The following CDH20 variants were observed in gnomAD, a reference collection of about 807,000 sequenced individuals.
CDH20 encodes cadherin 20.
CDH20 carries 29 observed loss-of-function variants against 74.2 expected under a neutral mutation model. The ratio of observed to expected loss-of-function variants is 0.39; its 90% CI spans 0.29 to 0.53. The LOEUF (loss-of-function observed/expected upper bound fraction) is 0.53. CDH20 is among the 20% of genes least tolerant of loss of function. The pLI, the probability that CDH20 is intolerant of heterozygous loss-of-function variation, is 0.69. For synonymous variants in CDH20, 469 were observed against 405.4 expected (o/e 1.16, Z -1.88); for missense variants, 988 against 1,048.3 (o/e 0.94, Z 0.79).
intron 7 of CDH20, among the ~76,000 whole-genome samples, chr18:61,533,069 G>A (rs1859128360): frequency 2.6e-5 from 4 of 152,154 alleles, no homozygotes; most frequent in Admixed American, 1.3e-4. Context: ...TCACTTGAGG[G>A]TAGGAGTTTG....
At chr18:61,446,632 TCTTCTAATCCCCCTAATTATCAAGTAC>T (rs1909212921) in intron 1 of CDH20, among the ~76,000 whole-genome samples, 2 of 152,160 alleles carry the variant, frequency 1.3e-5, no homozygotes, top group Non-Finnish European at 2.9e-5. Flanking sequence ...ATTAGGAGGT[TCTTCTAATCCCCCTAATTATCAAGTAC>T]CTTCTAATCC....
At chr18:61,533,151 A>T (rs1037482875) in intron 7 of CDH20, among the ~76,000 whole-genome samples, 3 of 152,080 alleles carry the variant, frequency 2.0e-5, no homozygotes, top group African/African-American at 4.8e-5. Context: ...AAAATAAAAA[A>T]AATTTAATTA....
At chr18:61,518,044 C>T (rs1401188413) in intron 6 of CDH20, among the ~76,000 whole-genome samples, 1 of 152,180 alleles carries the variant, frequency 6.6e-6, no homozygotes, top group Non-Finnish European at 1.5e-5. Context: ...CTCTGCAAAG[C>T]CACGGTACCT....
intron 1 of CDH20, among the ~76,000 whole-genome samples, chr18:61,371,019 C>T (rs541226927): frequency 1.4e-3 from 211 of 152,156 alleles, no homozygotes; most frequent in African/African-American, 5.0e-3. Context: ...AACAAAGGAA[C>T]ATTTTTAATA....
intron 1 of CDH20, among the ~76,000 whole-genome samples, chr18:61,413,714 TA>T (rs554425799): frequency 0.011 from 1,582 of 143,852 alleles, 9 homozygotes; most frequent in African/African-American, 0.025. Context: ...GTGGAAATGT[TA>T]AAAAAAAAAA....
rs541702064 is a variant in CDH20 at position 61,430,150 on chromosome 18, T to C, written c.-152-60252T>C. ...TTTAGAAAAACAAAATGCCTGACTT[T>C]TGCAGTTTGGTCTTGGTCATGCTTG... is the stretch of plus-strand genomic sequence containing the variant. On this transcript the variant is annotated intron_variant, in intron 1 of 11. Transcript: ENST00000262717. Among the ~76,000 whole-genome samples the C allele has an allele frequency of 5.5e-4, 84 of 152,282 alleles. 1 individual carries two copies. Among genetic ancestry groups the C allele is most frequent in the African/African-American group, 1.2e-3 (50 of 41,572 alleles).
rs780172818 is a variant in CDH20, at chr18:61,550,051, C to T, written c.1722C>T (p.Ile574=). The change falls in exon 11 of 12, where the codon ATC becomes ATT. Residue 574 remains isoleucine (I), a synonymous_variant. Coordinates refer to ENST00000262717, the MANE Select transcript of CDH20 (RefSeq NM_031891.4). ...QQEQSVFHLP[I]LIADSGQPVL... is the part of the protein sequence containing the mutation. ...AGCAGAGTGTCTTTCACCTGCCTATCCTGATAGCAGATAGCGGGCAGCCCG... is the reference window on the plus strand; with the variant it reads ...AGCAGAGTGTCTTTCACCTGCCTATTCTGATAGCAGATAGCGGGCAGCCCG... 4.3e-6 allele frequency: 7 copies of T among 1,614,214 alleles called. No individual in the cohort carries two copies. Among genetic ancestry groups the T allele is most frequent in the Non-Finnish European group, 5.9e-6 (7 of 1,180,028 alleles).
intron 4 of CDH20, 84 bp downstream of exon 4, chr18:61,500,586 T>A: frequency 1.4e-6 from 2 of 1,425,024 alleles, no homozygotes; most frequent in Non-Finnish European, 1.9e-6. Context: ...CTCTCCTTTT[T>A]AAGGACTCTC....
intron 5 of CDH20, among the ~76,000 whole-genome samples, chr18:61,505,348 T>C (rs965259598): frequency 4.6e-5 from 7 of 150,732 alleles, no homozygotes; most frequent in African/African-American, 1.5e-4. Context: ...TTTTTTTTTT[T>C]TTTTTTTGAG....
At chr18:61,473,612 G>T (rs1212370797) in intron 1 of CDH20, among the ~76,000 whole-genome samples, 1 of 152,150 alleles carries the variant, frequency 6.6e-6, no homozygotes, top group Admixed American at 6.5e-5. Flanking sequence ...GAAACATACA[G>T]CAATTTTAAC....
intron 1 of CDH20, among the ~76,000 whole-genome samples, chr18:61,459,005 C>T (rs969890910): frequency 2.0e-5 from 3 of 152,280 alleles, no homozygotes; most frequent in South Asian, 4.1e-4. Context: ...TGTTAAGAAA[C>T]TTCTTTTTAA....
At chr18:61,486,771 C>A (rs938974957) in intron 1 of CDH20, among the ~76,000 whole-genome samples, 2 of 152,172 alleles carry the variant, frequency 1.3e-5, no homozygotes, top group Non-Finnish European at 2.9e-5. Flanking sequence ...CCTTAAAACA[C>A]CCCATCTTCT....
chr18:61,337,486 A>G (rs1181737227), intron 1 of CDH20, among the ~76,000 whole-genome samples: 1 of 152,230 alleles, frequency 6.6e-6, no homozygotes. Context: ...TAAAAAGTAA[A>G]TATTTCATTT....
chr18:61,402,286 G>T (rs757400846), intron 1 of CDH20, among the ~76,000 whole-genome samples: 1 of 152,082 alleles, frequency 6.6e-6, no homozygotes, highest in Non-Finnish European at 1.5e-5. Flanking sequence ...CCAGAGGAAG[G>T]CTCATTCTTC....
intron 1 of CDH20, among the ~76,000 whole-genome samples, chr18:61,334,932 CA>C (rs1182879217): frequency 6.6e-6 from 1 of 152,128 alleles, no homozygotes; most frequent in South Asian, 2.1e-4. Context: ...CGCCTCCCCT[CA>C]AATGAAATGT....
chr18:61,428,536 G>T (rs981640303), intron 1 of CDH20, among the ~76,000 whole-genome samples: 1 of 152,118 alleles, frequency 6.6e-6, no homozygotes, highest in Non-Finnish European at 1.5e-5. Flanking sequence ...TGGGTCAAGA[G>T]CTCCATTTCC....
intron 1 of CDH20, among the ~76,000 whole-genome samples, chr18:61,456,277 G>A (rs185587145): frequency 2.0e-5 from 3 of 152,242 alleles, no homozygotes; most frequent in East Asian, 1.9e-4. Context: ...AATGCAAAGC[G>A]TGACCTGGCC....
intron 6 of CDH20, among the ~76,000 whole-genome samples, chr18:61,522,592 A>G (rs1467049573): frequency 6.6e-6 from 1 of 152,242 alleles, no homozygotes; most frequent in Non-Finnish European, 1.5e-5. Flanking sequence ...TCCAAAAAAG[A>G]GTCTGTATAG....
At chr18:61,367,766 T>C (rs1010585810) in intron 1 of CDH20, among the ~76,000 whole-genome samples, 5 of 152,142 alleles carry the variant, frequency 3.3e-5, no homozygotes, top group Non-Finnish European at 7.4e-5. Flanking sequence ...TGTCTTACAA[T>C]TTTGGAGGTT....
Sources: gnomAD v4.1 joint callset for allele counts (sites outside exome capture counted in the v4.1 genomes callset) on GRCh38, gnomAD v4.1.1 for gene constraint, MANE v1.5 for transcripts, NCBI Gene and HGNC (gene_info 2026-07-23, HGNC 2026-07-21) for gene names.